Variants in LRRFIP1 observed in about 807,000 individuals in gnomAD.
LRRFIP1 encodes the protein leucine-rich repeat flightless-interacting protein 1.
LRRFIP1 carries 62 observed loss-of-function variants against 104.4 expected under a neutral mutation model. The observed-to-expected ratio is 0.59, with a 90% CI of 0.48 to 0.73. The LOEUF (loss-of-function observed/expected upper bound fraction) is 0.73, where lower values mean the gene tolerates loss of function less well. LRRFIP1 is among the 30% of genes least tolerant of loss of function. The probability of loss-of-function intolerance (pLI) is 0.00; values close to 1 mark genes in which losing one functional copy is unlikely to be tolerated. For synonymous variants in LRRFIP1, 300 were observed against 299.0 expected, an observed-to-expected ratio of 1.00 and a Z score of -0.03; for missense variants, 796 against 824.5, an observed-to-expected ratio of 0.97 and a Z score of 0.42.
intron 1 of LRRFIP1, among the ~76,000 whole-genome samples, chr2:237,634,607 A>G (rs2082837601): frequency 6.6e-6 from 1 of 152,222 alleles, no homozygotes; most frequent in Non-Finnish European, 1.5e-5. Flanking sequence ...AAGACCTCTG[A>G]ACAATGACTG....
chr2:237,708,893 C>T (rs2093947205), intron 2 of LRRFIP1: 5 of 590,120 alleles, frequency 8.5e-6, no homozygotes, highest in Admixed American at 4.4e-5. Context: ...TTTCTAGCTG[C>T]GAGGAGCCAA....
intron 1 of LRRFIP1, among the ~76,000 whole-genome samples, chr2:237,708,038 C>T (rs542001714): frequency 6.6e-6 from 1 of 152,232 alleles, no homozygotes; most frequent in Non-Finnish European, 1.5e-5. Context: ...TCAGATGGGT[C>T]TGGCAGCCTC....
chr2:237,751,126 C>G, intron 13 of LRRFIP1, 74 bp from the exon 14 acceptor site: 1 of 1,032,926 alleles, frequency 9.7e-7, no homozygotes, highest in Non-Finnish European at 1.4e-6. Flanking sequence ...TAGAAACTAC[C>G]CTGAAGTATA....
chr2:237,642,286 C>T (rs916921012), intron 1 of LRRFIP1, among the ~76,000 whole-genome samples: 1 of 152,244 alleles, frequency 6.6e-6, no homozygotes, highest in South Asian at 2.1e-4. Context: ...GAGGCCGAGG[C>T]CTGGCTTCTG....
At chr2:237,776,905 G>A (rs916350159) in intron 23 of LRRFIP1, among the ~76,000 whole-genome samples, 9 of 152,048 alleles carry the variant, frequency 5.9e-5, no homozygotes, top group Admixed American at 4.6e-4. Flanking sequence ...ATTTGGACTC[G>A]TTTTCACCAT....
At chr2:237,719,641 A>G in intron 5 of LRRFIP1, 74 bp downstream of exon 5, 1 of 996,314 alleles carries the variant, frequency 1.0e-6, no homozygotes, top group Admixed American at 2.0e-5. Context: ...GCTGAAGTAT[A>G]TATAATATAT....
Position 237,739,268 on chromosome 2 carries a change from C to G in LRRFIP1, c.592C>G (p.Arg198Gly), listed in dbSNP as rs747864389. Reference sequence around the variant, plus strand: ...CAGCGGCCACCTCAACTCCAGCTCCCGCGCCTCCTCCAGGGCCAGCTCGGC... The same window carrying G: ...CAGCGGCCACCTCAACTCCAGCTCCGGCGCCTCCTCCAGGGCCAGCTCGGC... ...EYSGHLNSSS[R>G]ASSRASSARA... Residue 198 changes from arginine to glycine, a missense_variant, in exon 11 of 24, where the codon CGC (arginine) becomes GGC (glycine). Transcript: ENST00000308482. 6.4e-7 allele frequency: 1 copy of G among 1,565,496 alleles called. No individual in the cohort carries two copies. Among genetic ancestry groups the G allele is most frequent in the Non-Finnish European group, 8.7e-7 (1 of 1,155,376 alleles).
chr2:237,750,326 C>CTTTTTTTTTTTTTTTTTTTT (rs928510240), intron 13 of LRRFIP1, among the ~76,000 whole-genome samples: 1 of 60,704 alleles, frequency 1.6e-5, no homozygotes, highest in African/African-American at 6.4e-5. Context: ...TTCTTTCTTT[C>CTTTTTTTTTTTTTTTTTTTT]TTTTTTTTTT....
At chr2:237,757,577 T>C (rs1278985965) in intron 17 of LRRFIP1, 29 bp downstream of exon 17, 1 of 1,491,316 alleles carries the variant, frequency 6.7e-7, no homozygotes, top group East Asian at 2.4e-5. Context: ...GAAAATCTAC[T>C]CAAATGGGCA....
At chr2:237,728,581 A>G (rs2094869535) in intron 8 of LRRFIP1, among the ~76,000 whole-genome samples, 1 of 151,968 alleles carries the variant, frequency 6.6e-6, no homozygotes, top group Admixed American at 6.6e-5. Flanking sequence ...GTCATTGGGG[A>G]TTTTAGAAGG....
rs746314378 is a variant in LRRFIP1, at chr2:237,764,210, A to G, written c.1459+4005A>G. 708 of 1,613,300 alleles carry G rather than the reference A, an allele frequency of 4.4e-4. 1 individual carries two copies. The highest frequency in any genetic ancestry group is 5.8e-4 in the South Asian group (53 of 90,960). On this transcript the variant is annotated intron_variant, in intron 19 of 23. Coordinates refer to ENST00000308482, the MANE Select transcript of LRRFIP1 (RefSeq NM_001137550.2). ...AAGGGGTCTTTTCTCTCCACTGCCA[A>G]TGTAAGTAGAATGTTCTAAATTCAT...
chr2:237,692,294 C>T (rs1168233450), intron 1 of LRRFIP1: 3 of 1,195,438 alleles, frequency 2.5e-6, no homozygotes, highest in African/African-American at 3.2e-5. Context: ...GAGCCGCTCC[C>T]CGGCGGGCTG....
chr2:237,644,330 C>T (rs11895665), intron 1 of LRRFIP1, among the ~76,000 whole-genome samples: 21,492 of 152,208 alleles, frequency 0.14, 1,977 homozygotes, highest in African/African-American at 0.26. Context: ...GAACATGCTC[C>T]GTGTGGCTTT....
At chr2:237,772,501 A>AG (rs1393454484) in intron 21 of LRRFIP1, 1 of 434,192 alleles carries the variant, frequency 2.3e-6, no homozygotes, top group Admixed American at 4.0e-5. Flanking sequence ...TTGTATGAAA[A>AG]AAAAAAAATG....
chr2:237,693,066 G>A (rs1272128408), intron 1 of LRRFIP1, among the ~76,000 whole-genome samples: 1 of 152,226 alleles, frequency 6.6e-6, no homozygotes, highest in Non-Finnish European at 1.5e-5. Context: ...CTGCCTCTAG[G>A]ATTTTGCCGT....
chr2:237,761,502 T>A (rs970004874), intron 19 of LRRFIP1, among the ~76,000 whole-genome samples: 2 of 152,274 alleles, frequency 1.3e-5, no homozygotes, highest in African/African-American at 4.8e-5. Flanking sequence ...AAATCTTTGA[T>A]AACCATTGTG....
intron 2 of LRRFIP1, among the ~76,000 whole-genome samples, chr2:237,712,781 A>C (rs142521649): frequency 6.6e-5 from 10 of 152,286 alleles, no homozygotes; most frequent in Non-Finnish European, 1.5e-4. Context: ...GGGAAGGTGC[A>C]CTGACGACAC....
rs997810177 is a variant in LRRFIP1 at position 237,739,561 on chromosome 2, T to C, written c.633+252T>C. Among the ~76,000 whole-genome samples the C allele has an allele frequency of 2.6e-5, 4 of 152,314 alleles. No individual in the cohort carries two copies. The East Asian group carries it at 5.8e-4, about 22-fold the overall frequency. On this transcript the variant is annotated intron_variant, in intron 11 of 23. Transcript: ENST00000308482. ...TGTGCACGGATGTGTGGTTTTCTTT[T>C]TATGATTTAAAAATTTGAAGTATTG... is the stretch of plus-strand genomic sequence containing the variant.
In LRRFIP1 at chr2:237,744,779, G is replaced by A. The variant is rs184112973; in HGVS notation, c.634-3585G>A. ...AAATGTTTAGTATCACTCAGAATAC[G>A]AGAGTCATGAAGCTAACAGGCTGCA... is the stretch of plus-strand genomic sequence containing the variant. On this transcript the variant is annotated intron_variant, in intron 11 of 23. Coordinates refer to ENST00000308482, the MANE Select transcript of LRRFIP1 (RefSeq NM_001137550.2). 2.5e-3 allele frequency among the ~76,000 whole-genome samples: 387 copies of A among 152,356 alleles called. 2 individuals are homozygous for A. Among genetic ancestry groups the A allele is most frequent in the Non-Finnish European group, 3.5e-3 (241 of 68,030 alleles).
Sources: gnomAD v4.1 joint callset for allele counts (sites outside exome capture counted in the v4.1 genomes callset) on GRCh38, gnomAD v4.1.1 for gene constraint, MANE v1.5 for transcripts, NCBI Gene and HGNC (gene_info 2026-07-23, HGNC 2026-07-21) for gene names.